The following PPFIBP1 variants were observed in gnomAD, a reference collection of about 807,000 sequenced individuals.
PPFIBP1 encodes PPFIB scaffold protein 1.
A neutral mutation model predicts 137.8 loss-of-function variants in PPFIBP1; 112 were observed. The ratio of observed to expected loss-of-function variants is 0.81; its 90% CI spans 0.70 to 0.95. The LOEUF (loss-of-function observed/expected upper bound fraction) is 0.95, where lower values mean the gene tolerates loss of function less well. Ranked by LOEUF, PPFIBP1 falls within the 40% of genes least tolerant of loss-of-function variation. The pLI, the probability that PPFIBP1 is intolerant of heterozygous loss-of-function variation, is 0.00. For missense variants in PPFIBP1, 1,083 were observed against 1,196.6 expected, an observed-to-expected ratio of 0.91 and a Z score of 1.40; for synonymous variants, 378 against 417.3, an observed-to-expected ratio of 0.91 and a Z score of 1.15.
intron 4 of PPFIBP1, 63 bp downstream of exon 4, chr12:27,635,178 C>T (rs753335547): frequency 6.6e-7 from 1 of 1,505,826 alleles, no homozygotes; most frequent in South Asian, 1.1e-5. Context: ...AAATTTAGAA[C>T]ATAGAATAGC....
intron 1 of PPFIBP1, chr12:27,548,738 A>T (rs1009476912): frequency 6.6e-6 from 1 of 152,194 alleles, no homozygotes; most frequent in Non-Finnish European, 1.5e-5. Context: ...GAGGTGGGGA[A>T]GCCTGATGAC....
intron 15 of PPFIBP1, among the ~76,000 whole-genome samples, chr12:27,673,380 T>C (rs1333980300): frequency 6.6e-6 from 1 of 152,346 alleles, no homozygotes; most frequent in East Asian, 1.9e-4. Flanking sequence ...ACTTCCATTC[T>C]TTATTTTAAT....
At chr12:27,597,446 G>A (rs1303486241) in intron 2 of PPFIBP1, among the ~76,000 whole-genome samples, 2 of 152,038 alleles carry the variant, frequency 1.3e-5, no homozygotes, top group African/African-American at 4.8e-5. Flanking sequence ...GAGCCACCGC[G>A]ACCGGCCACC....
intron 2 of PPFIBP1, chr12:27,584,452 G>A (rs2051473949): frequency 6.6e-6 from 1 of 152,256 alleles, no homozygotes. Flanking sequence ...CATGGTGACC[G>A]AGAATTCTCG....
intron 7 of PPFIBP1, among the ~76,000 whole-genome samples, chr12:27,651,273 CTT>C (rs77860364): frequency 7.1e-5 from 10 of 141,132 alleles, no homozygotes; most frequent in Admixed American, 2.1e-4. Context: ...ATGTTTTAAT[CTT>C]TTTTTTTTTT....
intron 1 of PPFIBP1, among the ~76,000 whole-genome samples, chr12:27,564,042 T>C (rs1197375874): frequency 6.6e-6 from 1 of 152,050 alleles, no homozygotes; most frequent in Non-Finnish European, 1.5e-5. Context: ...CTGGCTAATT[T>C]TTGTATTTTT....
intron 2 of PPFIBP1, among the ~76,000 whole-genome samples, chr12:27,628,730 T>C (rs2057039287): frequency 6.6e-6 from 1 of 152,208 alleles, no homozygotes; most frequent in Admixed American, 6.5e-5. Flanking sequence ...TTTTTTAAAG[T>C]GGAATTTTTA....
intron 1 of PPFIBP1, among the ~76,000 whole-genome samples, chr12:27,573,609 G>A (rs147896600): frequency 2.0e-5 from 3 of 152,256 alleles, no homozygotes. Context: ...GATGTGGAAG[G>A]TCTTTAAAGT....
rs148551963 is a variant in PPFIBP1 at position 27,677,087 on chromosome 12, C to T, written c.1606C>T (p.Pro536Ser). ...NLDRKRSASA[P>S]TLAETEKETA... Reference sequence around the variant, plus strand: ...AGATCGTAAACGAAGTGCCAGTGCACCCACCCTAGGTATTGTACCCCTGCA... The same window carrying T: ...AGATCGTAAACGAAGTGCCAGTGCATCCACCCTAGGTATTGTACCCCTGCA... The change falls in exon 19 of 30, where the codon CCC becomes TCC. Residue 536 changes from proline to serine, a missense_variant. Coordinates refer to ENST00000228425, the MANE Select transcript of PPFIBP1 (RefSeq NM_003622.4). 1 of 1,614,136 alleles carries T rather than the reference C, an allele frequency of 6.2e-7. No homozygotes were observed. The highest frequency in any genetic ancestry group is 1.7e-5 in the Admixed American group (1 of 60,028).
At chr12:27,650,532 T>C (rs182436303) in intron 7 of PPFIBP1, among the ~76,000 whole-genome samples, 62 of 152,376 alleles carry the variant, frequency 4.1e-4, no homozygotes, top group Admixed American at 1.9e-3. Flanking sequence ...TACTATGTAA[T>C]TGGATTTTGA....
chr12:27,568,827 T>C (rs1305796804), intron 1 of PPFIBP1, among the ~76,000 whole-genome samples: 2 of 152,216 alleles, frequency 1.3e-5, no homozygotes, highest in African/African-American at 2.4e-5. Flanking sequence ...TTTCTGGACC[T>C]GTTTTTCCAA....
At position 27,692,641 on chromosome 12, in the gene PPFIBP1, C is replaced by T. The variant is rs746944074; in HGVS notation, c.2916C>T (p.Gly972=). The T allele has an allele frequency of 9.3e-6, 15 of 1,613,942 alleles. No individual in the cohort carries two copies. Among genetic ancestry groups the T allele is most frequent in the Non-Finnish European group, 1.3e-5 (15 of 1,179,924 alleles). The change falls in exon 29 of 30, where the codon GGC becomes GGT. Residue 972 remains glycine, a synonymous_variant. Coordinates refer to ENST00000228425, the MANE Select transcript of PPFIBP1 (RefSeq NM_003622.4). The part of the protein sequence containing the change: ...TVRQIGAFSE[G]INNLTHMLKE... ...GACAGATAGGTGCATTCTCTGAAGG[C>T]ATCAACAATCTGACGGTGAGTTTGT...
intron 4 of PPFIBP1, among the ~76,000 whole-genome samples, chr12:27,639,759 A>G (rs1246478216): frequency 2.6e-5 from 4 of 152,236 alleles, no homozygotes; most frequent in African/African-American, 9.6e-5. Flanking sequence ...AAAGTGAGAT[A>G]ATATTAATCC....
intron 28 of PPFIBP1, 37 bp from the exon 29 acceptor site, chr12:27,692,554 A>G (rs2061612789): frequency 6.2e-7 from 1 of 1,600,458 alleles, no homozygotes; most frequent in South Asian, 1.1e-5. Flanking sequence ...TGAAATTGTG[A>G]AAACACTTAT....
At chr12:27,605,979 G>A (rs1299225247) in intron 2 of PPFIBP1, among the ~76,000 whole-genome samples, 1 of 152,114 alleles carries the variant, frequency 6.6e-6, no homozygotes, top group East Asian at 1.9e-4. Context: ...AATTTTCATA[G>A]ACTTCATGGG....
At chr12:27,674,290 C>A in intron 17 of PPFIBP1, 69 bp downstream of exon 17, 1 of 1,202,340 alleles carries the variant, frequency 8.3e-7, no homozygotes, top group Non-Finnish European at 1.2e-6. Flanking sequence ...GCTTAAATGT[C>A]TCCAGTAGAT....
At chr12:27,652,404 G>A (rs986290169) in intron 7 of PPFIBP1, among the ~76,000 whole-genome samples, 1 of 152,142 alleles carries the variant, frequency 6.6e-6, no homozygotes, top group Admixed American at 6.5e-5. Context: ...CAGGAGCCCT[G>A]AATTCTCTGA....
At chr12:27,580,510 G>A (rs900561761) in intron 2 of PPFIBP1, among the ~76,000 whole-genome samples, 6 of 152,112 alleles carry the variant, frequency 3.9e-5, no homozygotes, top group African/African-American at 1.4e-4. Flanking sequence ...AATAGTGTTA[G>A]TATTATGCTT....
intron 2 of PPFIBP1, among the ~76,000 whole-genome samples, chr12:27,621,192 A>C (rs542498870): frequency 6.6e-6 from 1 of 152,402 alleles, no homozygotes; most frequent in East Asian, 1.9e-4. Context: ...CAACTACTCA[A>C]CTTTGCTGTT....
Sources: gnomAD v4.1 joint callset for allele counts (sites outside exome capture counted in the v4.1 genomes callset) on GRCh38, gnomAD v4.1.1 for gene constraint, MANE v1.5 for transcripts, NCBI Gene and HGNC (gene_info 2026-07-23, HGNC 2026-07-21) for gene names.